QTMAN: variants seen among roughly 807,000 people sequenced by gnomAD.
The protein encoded by QTMAN is tRNA-queuosine alpha-mannosyltransferase.
chr2:143,942,307 AGAGT>A, the QTMAN span: 4 of 167,178 alleles, frequency 2.4e-5, no homozygotes, highest in Admixed American at 2.0e-4. Flanking sequence ...AATGGACTGC[AGAGT>A]GAGTGAGGAT....
At chr2:143,967,676 C>T in the QTMAN span, among the ~76,000 whole-genome samples, 10 of 152,106 alleles carry the variant, frequency 6.6e-5, no homozygotes, top group Non-Finnish European at 2.9e-5. Flanking sequence ...CAAAGAAATG[C>T]ATGCCAGCTA....
the QTMAN span, among the ~76,000 whole-genome samples, chr2:143,950,383 A>T: frequency 6.6e-6 from 1 of 151,730 alleles, no homozygotes; most frequent in Non-Finnish European, 1.5e-5. Flanking sequence ...GCTGAATGAA[A>T]ATATTTCAAC....
At chr2:144,005,237 G>T in the QTMAN span, among the ~76,000 whole-genome samples, 1 of 151,954 alleles carries the variant, frequency 6.6e-6, no homozygotes, top group Non-Finnish European at 1.5e-5. Flanking sequence ...TGAGCATAAA[G>T]TGCTTTTCTT....
At chr2:144,150,645 C>G in the QTMAN span, among the ~76,000 whole-genome samples, 2 of 152,028 alleles carry the variant, frequency 1.3e-5, no homozygotes, top group Non-Finnish European at 2.9e-5. Context: ...CCTGAACAGA[C>G]CCTTGACCCG....
chr2:144,068,229 C>T, the QTMAN span, among the ~76,000 whole-genome samples: 1 of 152,278 alleles, frequency 6.6e-6, no homozygotes, highest in East Asian at 1.9e-4. Context: ...TAAACCCTCA[C>T]TTTATCAGCT....
At chr2:143,976,474 T>C in the QTMAN span, among the ~76,000 whole-genome samples, 2 of 152,210 alleles carry the variant, frequency 1.3e-5, no homozygotes, top group Admixed American at 6.5e-5. Context: ...ATGTGCTCCT[T>C]ATTCAAAAAC....
chr2:144,231,398 T>G, the QTMAN span, among the ~76,000 whole-genome samples: 1 of 152,108 alleles, frequency 6.6e-6, no homozygotes, highest in African/African-American at 2.4e-5. Flanking sequence ...TCAACAGTGT[T>G]TATTCAATTT....
chr2:144,031,315 C>T, the QTMAN span, among the ~76,000 whole-genome samples: 2 of 151,850 alleles, frequency 1.3e-5, no homozygotes, highest in East Asian at 3.9e-4. Flanking sequence ...GGTACTAATC[C>T]TTTTCAAAAG....
the QTMAN span, among the ~76,000 whole-genome samples, chr2:143,958,937 T>C: frequency 1.3e-5 from 2 of 151,948 alleles, no homozygotes; most frequent in Admixed American, 1.3e-4. Context: ...CAACACCTTA[T>C]CATCAATTGT....
the QTMAN span, among the ~76,000 whole-genome samples, chr2:144,267,243 A>G: frequency 5.3e-5 from 8 of 152,202 alleles, no homozygotes; most frequent in Non-Finnish European, 1.2e-4. Context: ...AAGAAGAACT[A>G]AAGTTATTAT....
At chr2:144,329,282 T>G in the QTMAN span, among the ~76,000 whole-genome samples, 1 of 151,280 alleles carries the variant, frequency 6.6e-6, no homozygotes, top group African/African-American at 2.4e-5. Flanking sequence ...TATTCTGATA[T>G]TAAAAAAAAA....
the QTMAN span, among the ~76,000 whole-genome samples, chr2:144,231,843 G>GGTGT: frequency 0.09 from 12,380 of 138,248 alleles, 662 homozygotes; most frequent in Non-Finnish European, 0.12. Context: ...GAATGAAAGA[G>GGTGT]GTGTGTGTGT....
the QTMAN span, among the ~76,000 whole-genome samples, chr2:144,185,423 T>C: frequency 6.6e-6 from 1 of 152,160 alleles, no homozygotes; most frequent in Non-Finnish European, 1.5e-5. Flanking sequence ...CTCTAAGAAG[T>C]AGATTTCAGT....
chr2:144,317,278 G>A, the QTMAN span, among the ~76,000 whole-genome samples: 1 of 152,026 alleles, frequency 6.6e-6, no homozygotes, highest in East Asian at 1.9e-4. Context: ...TTTGAGGTTG[G>A]AGGGAAAGGT....
the QTMAN span, among the ~76,000 whole-genome samples, chr2:144,108,635 C>CTCAATTAAAAAAAAAAAAAGAAAACCCCA: frequency 2.1e-5 from 3 of 144,404 alleles, no homozygotes; most frequent in African/African-American, 8.3e-5. Context: ...AAGACTCTGT[C>CTCAATTAAAAAAAAAAAAAGAAAACCCCA]TCAATTAAAA....
the QTMAN span, among the ~76,000 whole-genome samples, chr2:144,212,461 T>G: frequency 6.6e-6 from 1 of 151,914 alleles, no homozygotes; most frequent in East Asian, 1.9e-4. Context: ...AAACTCCATC[T>G]CAAAACAACA....
At chr2:144,250,639 C>A in the QTMAN span, among the ~76,000 whole-genome samples, 4 of 151,590 alleles carry the variant, frequency 2.6e-5, no homozygotes, top group East Asian at 7.8e-4. Context: ...TTACTTTACA[C>A]TTACCAGACA....
chr2:143,961,980 G>C, the QTMAN span, among the ~76,000 whole-genome samples: 1 of 152,202 alleles, frequency 6.6e-6, no homozygotes, highest in East Asian at 1.9e-4. Flanking sequence ...CACAGGTACT[G>C]AATGGGAACC....
the QTMAN span, among the ~76,000 whole-genome samples, chr2:144,209,882 C>G: frequency 1.3e-5 from 2 of 151,952 alleles, no homozygotes; most frequent in Non-Finnish European, 2.9e-5. Flanking sequence ...TAATGTTGTT[C>G]CACAAAATTA....
Sources: gnomAD v4.1 joint callset for allele counts (sites outside exome capture counted in the v4.1 genomes callset) on GRCh38, gnomAD v4.1.1 for gene constraint, MANE v1.5 for transcripts, NCBI Gene and HGNC (gene_info 2026-07-23, HGNC 2026-07-21) for gene names.